The following DPPA4 variants were observed in gnomAD, a reference collection of about 807,000 sequenced individuals.
DPPA4 encodes developmental pluripotency associated 4, also known as developmental pluripotency-associated protein 4.
DPPA4 carries 22 observed loss-of-function variants against 33.7 expected under a neutral mutation model. The ratio of observed to expected loss-of-function variants is 0.65; its 90% confidence interval spans 0.47 to 0.93. The LOEUF (loss-of-function observed/expected upper bound fraction) is 0.93. Among genes scored for constraint, DPPA4 ranks in the 40% least tolerant of loss-of-function variants. The pLI is 0.00. For missense variants in DPPA4, 340 were observed against 358.6 expected (o/e 0.95, Z 0.42); for synonymous variants, 156 against 132.3 (o/e 1.18, Z -1.23).
chr3:109,334,422 T>A lies in DPPA4; in HGVS notation c.55-429A>T, dbSNP rs1162500326. Among the ~76,000 whole-genome samples the A allele has an allele frequency of 2.0e-5, 3 of 152,096 alleles. No homozygotes were observed. In the East Asian group the frequency reaches 5.8e-4, roughly 29 times the overall value. On this transcript the variant is annotated intron_variant, in intron 1 of 6. Coordinates refer to ENST00000335658, the MANE Select transcript of DPPA4 (RefSeq NM_018189.4). The stretch of plus-strand genomic sequence containing the variant: ...AAAATTAGCTGAGCATGGTGGTGTG[T>A]GCGTGTAGTCCAGCTACTCGAGACT...
upstream of DPPA4, among the ~76,000 whole-genome samples, chr3:109,338,564 G>A (rs533046018): frequency 2.8e-4 from 42 of 152,050 alleles, no homozygotes; most frequent in African/African-American, 8.0e-4. Flanking sequence ...ACATCTCATT[G>A]CTTGTCCTAA....
rs761894945 is a variant in DPPA4, at chr3:109,333,897, C to G, written c.151G>C (p.Glu51Gln). Reference protein sequence around the residue: ...LPGTSAKRTKEKMSIKGSKVL... With the variant: ...LPGTSAKRTKQKMSIKGSKVL... ...TTACTGCCTTTGATAGACATTTTTTCTTTGGTTCTCTTTGCTGATGTTCCT... is the reference window on the plus strand; with the variant it reads ...TTACTGCCTTTGATAGACATTTTTTGTTTGGTTCTCTTTGCTGATGTTCCT... The change falls in exon 2 of 7, where the codon GAA (glutamate) becomes CAA (glutamine). Residue 51 changes from glutamate (E) to glutamine (Q), a missense_variant. Glu to Gln is a conservative substitution (Grantham distance 29). This residue lies in a region of DPPA4 where 96 missense variants were observed against 91.8 expected (regional missense o/e 1.05). Transcript: ENST00000335658. 1 of 1,613,808 alleles carries G rather than the reference C, an allele frequency of 6.2e-7. No homozygotes were observed. Among genetic ancestry groups the G allele is most frequent in the Non-Finnish European group, 8.5e-7 (1 of 1,179,910 alleles).
At chr3:109,330,940 A>G in intron 4 of DPPA4, 128 bp from the exon 5 acceptor site, 1 of 899,456 alleles carries the variant, frequency 1.1e-6, no homozygotes, top group Non-Finnish European at 1.7e-6. Context: ...CTATTGTACA[A>G]GTTGGTAACT....
intron 1 of DPPA4, among the ~76,000 whole-genome samples, chr3:109,336,992 C>G (rs559276845): frequency 1.3e-5 from 2 of 152,288 alleles, no homozygotes; most frequent in Admixed American, 1.3e-4. Flanking sequence ...CCCCCGACTC[C>G]CGGGTTCAAG....
intron 2 of DPPA4, 136 bp downstream of exon 2, chr3:109,333,734 A>T: frequency 9.7e-7 from 1 of 1,031,544 alleles, no homozygotes; most frequent in Non-Finnish European, 1.4e-6. Context: ...GTAACAGTTT[A>T]AGCTTGGCTT....
At position 109,326,871 on chromosome 3, in the gene DPPA4, C is replaced by G. The variant is rs763948836; in HGVS notation, c.*1117G>C. 6.6e-6 allele frequency: 1 copy of G among 152,118 alleles called. No individual in the cohort carries two copies. 9.4% of individuals were successfully genotyped at this position (152,118 alleles called of 1,614,324 possible). A position where few individuals can be genotyped will look rare whatever the true frequency, so the allele number is the denominator to read the frequency against. On this transcript the variant is annotated 3_prime_UTR_variant, in exon 7 of 7. Coordinates refer to ENST00000335658, the MANE Select transcript of DPPA4 (RefSeq NM_018189.4). ...GAAAAATCACACTTTTTGGTTTACT[C>G]CTACTTGAGTTAAGAACACTAACAA...
At chr3:109,332,636 T>C (rs1036809967) in intron 2 of DPPA4, among the ~76,000 whole-genome samples, 44 of 152,100 alleles carry the variant, frequency 2.9e-4, no homozygotes, top group African/African-American at 9.2e-4. Context: ...CAGAGCAAAA[T>C]CAACACCTGA....
At chr3:109,331,189 C>T (rs558989893) in intron 4 of DPPA4, among the ~76,000 whole-genome samples, 2 of 124,552 alleles carry the variant, frequency 1.6e-5, no homozygotes, top group South Asian at 2.8e-4. Context: ...GAGACAGGGG[C>T]ATCACTTGAA....
intron 1 of DPPA4, among the ~76,000 whole-genome samples, chr3:109,335,714 G>T (rs531949160): frequency 2.9e-4 from 44 of 152,168 alleles, no homozygotes; most frequent in African/African-American, 9.1e-4. Context: ...ACAGGCGTGT[G>T]CCACTGTGCC....
intron 1 of DPPA4, 63 bp downstream of exon 1, chr3:109,337,401 G>T: frequency 6.8e-7 from 1 of 1,469,668 alleles, no homozygotes; most frequent in Non-Finnish European, 9.5e-7. Flanking sequence ...AAAATCAGGA[G>T]TGCCCAGGGA....
chr3:109,334,668 A>T (rs1708154951), intron 1 of DPPA4, among the ~76,000 whole-genome samples: 1 of 152,152 alleles, frequency 6.6e-6, no homozygotes, highest in African/African-American at 2.4e-5. Context: ...GACACTATGA[A>T]AAGTTTCAGT....
Position 109,337,511 on chromosome 3 carries a change from G to GC in DPPA4, c.6dup (p.Arg3AlafsTer32), listed in dbSNP as rs753802866. On this transcript the variant is annotated frameshift_variant, in exon 1 of 7. Coordinates refer to ENST00000335658, the MANE Select transcript of DPPA4 (RefSeq NM_018189.4). LOFTEE classifies it high-confidence loss of function. Reference sequence around the variant, plus strand: ...ATACTTGTAGAAGAAGCGGAGCCTCGCAACATGCTTCCAAAATGGCCCCTG... The same window carrying GC: ...ATACTTGTAGAAGAAGCGGAGCCTCGCCAACATGCTTCCAAAATGGCCCCTG... The GC allele has an allele frequency of 2.5e-6, 4 of 1,613,996 alleles. No individual in the cohort carries two copies. The Admixed American group carries it at 6.7e-5, about 27-fold the overall frequency.
intron 1 of DPPA4, 56 bp from the exon 2 acceptor site, chr3:109,334,049 C>T: frequency 6.3e-7 from 1 of 1,595,218 alleles, no homozygotes; most frequent in Non-Finnish European, 8.5e-7. Flanking sequence ...CACACATACA[C>T]TACCTGCCTC....
chr3:109,328,488 T>C (rs993702718), intron 6 of DPPA4, among the ~76,000 whole-genome samples: 5 of 152,200 alleles, frequency 3.3e-5, no homozygotes, highest in African/African-American at 1.2e-4. Context: ...TTCCATCTAG[T>C]CGATTCTTCC....
At chr3:109,338,414 C>G (rs939903279), upstream of DPPA4, among the ~76,000 whole-genome samples, 1 of 152,210 alleles carries the variant, frequency 6.6e-6, no homozygotes, top group Admixed American at 6.5e-5. Context: ...TTTGAAAAAT[C>G]TTTCCTCAGA....
At chr3:109,331,655 G>T in intron 4 of DPPA4, 79 bp downstream of exon 4, 1 of 1,347,518 alleles carries the variant, frequency 7.4e-7, no homozygotes, top group Non-Finnish European at 1.1e-6. Flanking sequence ...GTGAGGCTAA[G>T]ACAGTTCCTT....
In DPPA4 at chr3:109,337,522, C is replaced by T. The variant is rs776622606; in HGVS notation, c.-5G>A. On this transcript the variant is annotated 5_prime_UTR_variant, in exon 1 of 7. Coordinates refer to ENST00000335658, the MANE Select transcript of DPPA4 (RefSeq NM_018189.4). ...AGAAGCGGAGCCTCGCAACATGCTT[C>T]CAAAATGGCCCCTGCCCCAAGATTG... The T allele has an allele frequency of 2.5e-6, 4 of 1,614,108 alleles. No homozygotes were observed. The highest frequency in any genetic ancestry group is 3.4e-6 in the Non-Finnish European group (4 of 1,180,002).
chr3:109,329,350 A>G (rs541187948), intron 5 of DPPA4: 118 of 353,766 alleles, frequency 3.3e-4, no homozygotes, highest in Admixed American at 2.3e-3. Context: ...CCTGGCTAAC[A>G]CAGTGAAACC....
intron 6 of DPPA4, 85 bp from the exon 7 acceptor site, chr3:109,328,109 G>T: frequency 1.1e-6 from 1 of 869,920 alleles, no homozygotes; most frequent in Non-Finnish European, 1.9e-6. Flanking sequence ...GAATGCTGTT[G>T]AAATTGCCCT....
Sources: allele counts gnomAD v4.1 joint callset (sites outside exome capture counted in the v4.1 genomes callset), GRCh38; gene constraint gnomAD v4.1.1; regional missense constraint gnomAD v4.1.1; transcripts MANE v1.5; gene names NCBI Gene and HGNC (gene_info 2026-07-23, HGNC 2026-07-21).